Variants in PDE4D observed in about 807,000 individuals in gnomAD.
PDE4D encodes phosphodiesterase 4D, also known as 3',5'-cyclic-AMP phosphodiesterase 4D.
In PDE4D, 24 loss-of-function variants were observed where a neutral mutation model predicts 87.4. That is an observed-to-expected ratio of 0.27 (90% CI 0.20 to 0.39). The LOEUF (loss-of-function observed/expected upper bound fraction) is 0.39, where lower values mean the gene tolerates loss of function less well. Ranked by LOEUF, PDE4D falls within the 10% of genes least tolerant of loss-of-function variation. The pLI is 1.00. For synonymous variants in PDE4D, 384 were observed against 383.2 expected (o/e 1.00, Z -0.02); for missense variants, 714 against 1,041.0 (o/e 0.69, Z 4.32).
intron 1 of PDE4D, among the ~76,000 whole-genome samples, chr5:60,252,316 T>C (rs1748566040): frequency 6.6e-6 from 1 of 151,906 alleles, no homozygotes; most frequent in South Asian, 2.1e-4. Context: ...ATATTTATCA[T>C]TTATGGATGA....
intron 3 of PDE4D, among the ~76,000 whole-genome samples, chr5:59,970,266 C>T (rs11959562): frequency 6.6e-6 from 1 of 152,044 alleles, no homozygotes; most frequent in Non-Finnish European, 1.5e-5. Context: ...AGAAGAAAAC[C>T]TAGGCAATAC....
intron 5 of PDE4D, among the ~76,000 whole-genome samples, chr5:59,122,065 C>G (rs1233812329): frequency 7.0e-6 from 1 of 142,830 alleles, no homozygotes; most frequent in African/African-American, 2.6e-5. Flanking sequence ...TTGCTTGAAC[C>G]CGGGAGGCGG....
intron 5 of PDE4D, among the ~76,000 whole-genome samples, chr5:59,054,812 A>G (rs1368168495): frequency 1.3e-5 from 2 of 152,120 alleles, no homozygotes; most frequent in African/African-American, 2.4e-5. Context: ...TTTGAAATCT[A>G]CCAATTGGTT....
chr5:60,461,744 T>A (rs374508008), intron 1 of PDE4D, among the ~76,000 whole-genome samples: 57 of 152,298 alleles, frequency 3.7e-4, no homozygotes, highest in African/African-American at 1.3e-3. Context: ...AGAGGTGCCT[T>A]CCCTTTGGTT....
rs754513612 is a variant in PDE4D, at chr5:60,389,107, CCAAT to C, written c.-90+98831_-90+98834del. Among the ~76,000 whole-genome samples, 4 of 152,154 alleles carry C rather than the reference CCAAT, an allele frequency of 2.6e-5. No individual in the cohort carries two copies. The East Asian group carries it at 5.8e-4, about 22-fold the overall frequency. The stretch of plus-strand genomic sequence containing the variant: ...TATAGAGAGGTTTTACACTTTATCT[CCAAT>C]CAAAGAGCAAATCTATGAAAGGATT... On this transcript the variant is annotated intron_variant, in intron 1 of 16. Coordinates refer to the PDE4D transcript ENST00000502484.
intron 1 of PDE4D, among the ~76,000 whole-genome samples, chr5:59,726,822 T>C (rs1039593341): frequency 6.6e-6 from 1 of 152,120 alleles, no homozygotes; most frequent in African/African-American, 2.4e-5. Flanking sequence ...TACACTTGCA[T>C]ACATATATGT....
intron 3 of PDE4D, among the ~76,000 whole-genome samples, chr5:59,951,442 T>TA (rs1758285313): frequency 6.6e-6 from 1 of 152,200 alleles, no homozygotes; most frequent in South Asian, 2.1e-4. Flanking sequence ...CATTTCCTCT[T>TA]AAAAAAGATC....
chr5:59,752,929 G>C (rs530047124), intron 1 of PDE4D, among the ~76,000 whole-genome samples: 1 of 152,262 alleles, frequency 6.6e-6, no homozygotes, highest in East Asian at 1.9e-4. Flanking sequence ...GCAGGGATCG[G>C]CAAATTACGG....
chr5:60,426,773 C>T (rs1394699471), intron 1 of PDE4D, among the ~76,000 whole-genome samples: 1 of 152,046 alleles, frequency 6.6e-6, no homozygotes, highest in African/African-American at 2.4e-5. Flanking sequence ...AACAAAGAAT[C>T]TAAAGCAGCT....
intron 6 of PDE4D, among the ~76,000 whole-genome samples, chr5:58,998,966 A>G (rs1749841615): frequency 7.1e-6 from 1 of 141,066 alleles, no homozygotes; most frequent in African/African-American, 2.4e-5. Context: ...CAGTTTTGCA[A>G]GTATAATAGA....
intron 2 of PDE4D, among the ~76,000 whole-genome samples, chr5:59,210,479 G>A (rs1257225367): frequency 6.6e-6 from 1 of 152,222 alleles, no homozygotes; most frequent in Non-Finnish European, 1.5e-5. Flanking sequence ...AGAAAGGACA[G>A]TAGTTTGACA....
At position 60,414,151 on chromosome 5, in the gene PDE4D, T is replaced by A. The variant is rs537516843; in HGVS notation, c.-90+73791A>T. Among the ~76,000 whole-genome samples, 3 of 152,288 alleles carry A rather than the reference T, an allele frequency of 2.0e-5. No individual in the cohort carries two copies. In the East Asian group the frequency reaches 5.8e-4, roughly 29 times the overall value. ...CGATGCTAAGACGAATCTCCTCAAA[T>A]AAACAAACCAAAGCTTCTGTGCACT... is the stretch of plus-strand genomic sequence containing the variant. On this transcript the variant is annotated intron_variant, in intron 1 of 16. Coordinates refer to the PDE4D transcript ENST00000502484.
At chr5:59,998,940 A>G (rs997589194) in intron 2 of PDE4D, among the ~76,000 whole-genome samples, 2 of 152,166 alleles carry the variant, frequency 1.3e-5, no homozygotes, top group Non-Finnish European at 2.9e-5. Context: ...ATGAAATAAG[A>G]GCAATATTAA....
intron 11 of PDE4D, among the ~76,000 whole-genome samples, 200 bp downstream of exon 11, chr5:58,988,293 T>C (rs1001564552): frequency 6.6e-6 from 1 of 152,178 alleles, no homozygotes; most frequent in African/African-American, 2.4e-5. Context: ...CTGGAACACA[T>C]TTTTCAAATA....
intron 5 of PDE4D, among the ~76,000 whole-genome samples, chr5:59,152,608 G>A (rs925654455): frequency 4.6e-5 from 7 of 152,104 alleles, no homozygotes; most frequent in Admixed American, 1.3e-4. Flanking sequence ...TCCAAAAAAC[G>A]GTTTGTTTAT....
chr5:59,861,595 C>G (rs146591154), intron 1 of PDE4D, among the ~76,000 whole-genome samples: 1 of 152,110 alleles, frequency 6.6e-6, no homozygotes, highest in Non-Finnish European at 1.5e-5. Flanking sequence ...AGAGGAGTAG[C>G]GCTCTACTTT....
Position 59,109,408 on chromosome 5 carries a change from G to A in PDE4D, c.809-70437C>T, listed in dbSNP as rs375161380. Among the ~76,000 whole-genome samples the A allele has an allele frequency of 3.5e-4, 54 of 152,314 alleles. 1 individual carries two copies. Among genetic ancestry groups the A allele is most frequent in the African/African-American group, 1.1e-3 (47 of 41,572 alleles). On this transcript the variant is annotated intron_variant, in intron 5 of 14. Transcript: ENST00000340635. ...GGGTGCTATAAGAAGCTCTGATAAG[G>A]AGACTTCACTGAATCTGGAGCATTT...
intron 1 of PDE4D, among the ~76,000 whole-genome samples, chr5:59,498,575 G>T (rs1807651026): frequency 6.6e-6 from 1 of 151,616 alleles, no homozygotes; most frequent in East Asian, 1.9e-4. Flanking sequence ...CAAGTAAATG[G>T]ATAGAGAAAG....
At chr5:59,421,812 A>T (rs1363370536) in intron 1 of PDE4D, among the ~76,000 whole-genome samples, 1 of 152,152 alleles carries the variant, frequency 6.6e-6, no homozygotes, top group Non-Finnish European at 1.5e-5. Context: ...ATGTTTCTCC[A>T]AAAGGGTACA....
Sources: allele counts gnomAD v4.1 joint callset (sites outside exome capture counted in the v4.1 genomes callset), GRCh38; gene constraint gnomAD v4.1.1; transcripts MANE v1.5; gene names NCBI Gene and HGNC (gene_info 2026-07-23, HGNC 2026-07-21).